The following CPNE4 variants were observed in gnomAD, a reference collection of about 807,000 sequenced individuals.
CPNE4 encodes copine-4.
In CPNE4, 25 loss-of-function variants were observed where a neutral mutation model predicts 67.9. The observed-to-expected ratio is 0.37, with a 90% CI of 0.27 to 0.51. The LOEUF (loss-of-function observed/expected upper bound fraction) is 0.51. Ranked by LOEUF, CPNE4 falls within the 20% of genes least tolerant of loss-of-function variation. The probability of loss-of-function intolerance (pLI) is 0.93; values close to 1 mark genes in which losing one functional copy is unlikely to be tolerated. For synonymous variants in CPNE4, 242 were observed against 244.9 expected (o/e 0.99, Z 0.11); for missense variants, 464 against 690.8 (o/e 0.67, Z 3.68).
At chr3:131,784,499 C>T (rs1355784) in intron 2 of CPNE4, among the ~76,000 whole-genome samples, 39,243 of 152,024 alleles carry the variant, frequency 0.26, 5,677 homozygotes, top group East Asian at 0.38. Context: ...ATGTAGGAGG[C>T]AGCCTGCAAG....
intron 2 of CPNE4, among the ~76,000 whole-genome samples, chr3:131,746,540 A>C (rs2082493781): frequency 6.6e-6 from 1 of 152,114 alleles, no homozygotes; most frequent in Admixed American, 6.6e-5. Context: ...TTTCTGTGCC[A>C]GACTTATTTC....
chr3:131,609,210 C>A (rs1939679624), intron 7 of CPNE4, among the ~76,000 whole-genome samples: 1 of 152,176 alleles, frequency 6.6e-6, no homozygotes, highest in South Asian at 2.1e-4. Context: ...ATTTAACTTA[C>A]AATTTTATTC....
At chr3:131,550,691 G>A (rs1936124082) in intron 13 of CPNE4, among the ~76,000 whole-genome samples, 2 of 152,096 alleles carry the variant, frequency 1.3e-5, no homozygotes, top group African/African-American at 2.4e-5. Context: ...GCTTGAGGCA[G>A]TATCGAGCAA....
chr3:131,604,506 G>T (rs1939390310), intron 7 of CPNE4, among the ~76,000 whole-genome samples: 1 of 152,074 alleles, frequency 6.6e-6, no homozygotes. Context: ...GCTGGGAAAG[G>T]CAGACCCACC....
chr3:131,789,634 A>G (rs570742291), intron 2 of CPNE4, among the ~76,000 whole-genome samples: 7 of 152,326 alleles, frequency 4.6e-5, no homozygotes, highest in South Asian at 2.1e-4. Context: ...ACTGTTTGCT[A>G]TGATTATTCA....
At chr3:131,925,901 A>G (rs1361682441) in intron 1 of CPNE4, among the ~76,000 whole-genome samples, 3 of 145,922 alleles carry the variant, frequency 2.1e-5, no homozygotes. Context: ...CAGGGAACCT[A>G]GGGACATGAG....
At chr3:131,920,261 T>C (rs77228258) in intron 1 of CPNE4, among the ~76,000 whole-genome samples, 2 of 152,316 alleles carry the variant, frequency 1.3e-5, no homozygotes, top group African/African-American at 4.8e-5. Context: ...TATGGAATTA[T>C]ATGTAGATTT....
chr3:131,896,329 G>A (rs769534686), intron 2 of CPNE4, among the ~76,000 whole-genome samples: 2 of 151,928 alleles, frequency 1.3e-5, no homozygotes, highest in Middle Eastern at 3.2e-3. Context: ...GCTTCACTCC[G>A]ATTACTATCA....
intron 1 of CPNE4, among the ~76,000 whole-genome samples, chr3:131,939,013 A>G (rs954491720): frequency 6.6e-6 from 1 of 152,002 alleles, no homozygotes; most frequent in Admixed American, 6.6e-5. Flanking sequence ...GAGAATGGGC[A>G]CTCTCTTGCA....
intron 1 of CPNE4, among the ~76,000 whole-genome samples, chr3:131,973,448 T>A (rs991647019): frequency 7.9e-5 from 12 of 152,224 alleles, no homozygotes; most frequent in African/African-American, 2.7e-4. Flanking sequence ...TAGCCTCTGA[T>A]ATGGATCAGG....
At chr3:131,923,040 T>C (rs2070784637) in intron 1 of CPNE4, among the ~76,000 whole-genome samples, 1 of 152,160 alleles carries the variant, frequency 6.6e-6, no homozygotes, top group Non-Finnish European at 1.5e-5. Flanking sequence ...TTAAAACAAA[T>C]AGGTTTAATT....
chr3:131,745,104 C>T (rs1553763942), intron 2 of CPNE4, among the ~76,000 whole-genome samples: 2 of 152,144 alleles, frequency 1.3e-5, no homozygotes, highest in Non-Finnish European at 2.9e-5. Flanking sequence ...TGCTGTATCA[C>T]TATTTATTAT....
At position 131,814,250 on chromosome 3, in the gene CPNE4, GC is replaced by G. The variant is rs368402150; in HGVS notation, c.181-90626del. Among the ~76,000 whole-genome samples, 1,033 of 152,252 alleles carry G rather than the reference GC, an allele frequency of 6.8e-3. 14 individuals carry two copies. The highest frequency in any genetic ancestry group is 0.023 in the African/African-American group (955 of 41,516). On this transcript the variant is annotated intron_variant, in intron 2 of 15. Coordinates refer to ENST00000429747, the MANE Select transcript of CPNE4 (RefSeq NM_130808.3). ...TTGTTCTTGTTACATGGACAGTAGAGCTTGGCATAAGAGTTTCTCTTCATTG... is the reference window on the plus strand; with the variant it reads ...TTGTTCTTGTTACATGGACAGTAGAGTTGGCATAAGAGTTTCTCTTCATTG...
chr3:131,588,742 C>T (rs1051565086), intron 7 of CPNE4, among the ~76,000 whole-genome samples: 1 of 152,148 alleles, frequency 6.6e-6, no homozygotes, highest in African/African-American at 2.4e-5. Context: ...AAACAGAAAA[C>T]TGGGCATCAT....
chr3:131,819,520 ACACG>A (rs755748392), intron 2 of CPNE4, among the ~76,000 whole-genome samples: 4 of 147,312 alleles, frequency 2.7e-5, no homozygotes, highest in African/African-American at 9.8e-5. Context: ...ACACACACAC[ACACG>A]CACAGTTTCC....
intron 5 of CPNE4, among the ~76,000 whole-genome samples, chr3:131,696,068 T>A (rs1477584109): frequency 6.6e-6 from 1 of 152,188 alleles, no homozygotes; most frequent in East Asian, 1.9e-4. Flanking sequence ...AATGAACAAA[T>A]TAACAAATAA....
chr3:131,792,751 A>G (rs2083802512), intron 2 of CPNE4, among the ~76,000 whole-genome samples: 1 of 141,130 alleles, frequency 7.1e-6, no homozygotes, highest in Non-Finnish European at 1.5e-5. Flanking sequence ...ATATGTATAT[A>G]TATACACACA....
chr3:131,592,974 A>T (rs917544210), intron 7 of CPNE4, among the ~76,000 whole-genome samples: 2 of 152,290 alleles, frequency 1.3e-5, no homozygotes, highest in East Asian at 1.9e-4. Context: ...CCTTGAACCC[A>T]TTAAAAGAAA....
chr3:131,908,425 C>A (rs891578375), intron 1 of CPNE4, among the ~76,000 whole-genome samples: 6 of 152,072 alleles, frequency 3.9e-5, no homozygotes, highest in Non-Finnish European at 8.8e-5. Context: ...GTTACAAACT[C>A]TCTTTATCAA....
Sources: gnomAD v4.1 joint callset for allele counts (sites outside exome capture counted in the v4.1 genomes callset) on GRCh38, gnomAD v4.1.1 for gene constraint, MANE v1.5 for transcripts, NCBI Gene and HGNC (gene_info 2026-07-23, HGNC 2026-07-21) for gene names.